The following LINGO2 variants were observed in gnomAD, a reference collection of about 807,000 sequenced individuals.
LINGO2 encodes leucine rich repeat and Ig domain containing 2.
Under a neutral mutation model 30.6 loss-of-function variants are expected in LINGO2, and 14 were observed. That is an observed-to-expected ratio of 0.46 (90% CI 0.30 to 0.72). The LOEUF is 0.72. Ranked by LOEUF, LINGO2 falls within the 30% of genes least tolerant of loss-of-function variation. The pLI, the probability that LINGO2 is intolerant of heterozygous loss-of-function variation, is 0.07. For missense variants in LINGO2, 729 were observed against 751.7 expected, an observed-to-expected ratio of 0.97 and a Z score of 0.35; for synonymous variants, 317 against 288.5, an observed-to-expected ratio of 1.10 and a Z score of -1.00.
intron 1 of LINGO2, among the ~76,000 whole-genome samples, chr9:28,569,626 G>T (rs1823573071): frequency 7.9e-6 from 1 of 126,166 alleles, no homozygotes; most frequent in Admixed American, 9.0e-5. Flanking sequence ...AGGGGCTGGG[G>T]GGTAGAACAA....
the LINGO2 span, among the ~76,000 whole-genome samples, chr9:28,735,457 A>G: frequency 2.0e-5 from 3 of 152,164 alleles, no homozygotes; most frequent in African/African-American, 4.8e-5. Flanking sequence ...CCTTTTAAGT[A>G]TACTTAGTAA....
At chr9:28,911,086 T>C in the LINGO2 span, among the ~76,000 whole-genome samples, 1 of 152,004 alleles carries the variant, frequency 6.6e-6, no homozygotes, top group Non-Finnish European at 1.5e-5. Flanking sequence ...AGAAAAGAGA[T>C]TGAACATAGG....
intron 1 of LINGO2, among the ~76,000 whole-genome samples, chr9:28,646,404 G>C (rs1827840037): frequency 6.6e-6 from 1 of 152,068 alleles, no homozygotes. Flanking sequence ...CGGTCAGTGA[G>C]TCTGGAACCT....
intron 4 of LINGO2, among the ~76,000 whole-genome samples, chr9:28,269,240 A>G (rs2134080519): frequency 1.3e-5 from 2 of 152,214 alleles, no homozygotes; most frequent in Middle Eastern, 6.8e-3. Context: ...TTTAACTGAT[A>G]GGTCCCAGAG....
intron 1 of LINGO2, among the ~76,000 whole-genome samples, chr9:28,648,504 C>T (rs1270014225): frequency 3.9e-5 from 6 of 152,072 alleles, no homozygotes; most frequent in African/African-American, 1.4e-4. Context: ...CTATTATTAA[C>T]ACATTAAGTC....
At chr9:28,963,496 A>T in the LINGO2 span, among the ~76,000 whole-genome samples, 1 of 151,486 alleles carries the variant, frequency 6.6e-6, no homozygotes. Flanking sequence ...TATGGAATCA[A>T]CCTAAGTATA....
At chr9:28,754,007 CACACACACAA>C in the LINGO2 span, among the ~76,000 whole-genome samples, 203 of 104,870 alleles carry the variant, frequency 1.9e-3, 2 homozygotes, top group African/African-American at 5.8e-3. Context: ...AATGAGAATA[CACACACACAA>C]ACACACACAC....
intron 4 of LINGO2, among the ~76,000 whole-genome samples, chr9:28,228,716 A>C (rs760467476): frequency 6.6e-5 from 10 of 151,832 alleles, no homozygotes; most frequent in Non-Finnish European, 1.3e-4. Context: ...CACAAAATTA[A>C]ATCTAGCTGA....
At chr9:28,327,050 C>A (rs905794597) in intron 3 of LINGO2, among the ~76,000 whole-genome samples, 1 of 152,060 alleles carries the variant, frequency 6.6e-6, no homozygotes, top group Non-Finnish European at 1.5e-5. Flanking sequence ...GTGATTAGGT[C>A]ATGAGGGCTC....
chr9:28,149,958 C>T (rs1456338354), intron 4 of LINGO2, among the ~76,000 whole-genome samples: 2 of 140,036 alleles, frequency 1.4e-5, no homozygotes, highest in Admixed American at 7.1e-5. Flanking sequence ...GCCTCCTCAC[C>T]GTCTGGGAAA....
At chr9:29,186,936 T>C in the LINGO2 span, among the ~76,000 whole-genome samples, 1 of 152,198 alleles carries the variant, frequency 6.6e-6, no homozygotes, top group African/African-American at 2.4e-5. Context: ...AATAAAATTG[T>C]AGCTTACAAT....
chr9:28,989,917 G>C, the LINGO2 span, among the ~76,000 whole-genome samples: 7 of 152,314 alleles, frequency 4.6e-5, no homozygotes, highest in South Asian at 8.3e-4. Flanking sequence ...AGTGAGCCAA[G>C]ATGGCAGAAT....
At chr9:27,987,254 T>C (rs1485960295) in intron 5 of LINGO2, among the ~76,000 whole-genome samples, 2 of 151,852 alleles carry the variant, frequency 1.3e-5, no homozygotes, top group Admixed American at 6.6e-5. Context: ...TGTGGCTAAA[T>C]ATGTCTGTAG....
At chr9:28,599,535 CT>C (rs951796850) in intron 1 of LINGO2, among the ~76,000 whole-genome samples, 3 of 151,594 alleles carry the variant, frequency 2.0e-5, no homozygotes, top group South Asian at 2.1e-4. Flanking sequence ...TGAGGAACAG[CT>C]TTTTTTTAAT....
chr9:28,764,712 T>A, the LINGO2 span, among the ~76,000 whole-genome samples: 3 of 151,892 alleles, frequency 2.0e-5, no homozygotes, highest in African/African-American at 7.2e-5. Flanking sequence ...AGTAAAACCA[T>A]CCCTGTTTGT....
intron 4 of LINGO2, among the ~76,000 whole-genome samples, chr9:28,218,768 C>T (rs1224349870): frequency 6.6e-6 from 1 of 152,022 alleles, no homozygotes; most frequent in Non-Finnish European, 1.5e-5. Flanking sequence ...GGATTTCTGC[C>T]CTGGGCATTG....
At chr9:29,017,482 T>C in the LINGO2 span, among the ~76,000 whole-genome samples, 1 of 152,058 alleles carries the variant, frequency 6.6e-6, no homozygotes, top group African/African-American at 2.4e-5. Context: ...ACAGTAGTAA[T>C]AGCAATATTA....
chr9:28,207,165 G>T (rs191529521), intron 4 of LINGO2, among the ~76,000 whole-genome samples: 132 of 152,080 alleles, frequency 8.7e-4, no homozygotes, highest in Non-Finnish European at 1.4e-3. Context: ...TTTAAATACG[G>T]TAATTTTTAA....
At chr9:28,170,846 C>A (rs1419051734) in intron 4 of LINGO2, among the ~76,000 whole-genome samples, 1 of 152,134 alleles carries the variant, frequency 6.6e-6, no homozygotes, top group Non-Finnish European at 1.5e-5. Flanking sequence ...GGGAGCAAAC[C>A]CAGAAAATCC....
Sources: gnomAD v4.1 joint callset for allele counts (sites outside exome capture counted in the v4.1 genomes callset) on GRCh38, gnomAD v4.1.1 for gene constraint, MANE v1.5 for transcripts, NCBI Gene and HGNC (gene_info 2026-07-23, HGNC 2026-07-21) for gene names.